TAOK3: variants seen among roughly 807,000 people sequenced by gnomAD.
TAOK3 encodes the protein serine/threonine-protein kinase TAO3.
Under a neutral mutation model 120.4 loss-of-function variants are expected in TAOK3, and 40 were observed. The ratio of observed to expected loss-of-function variants is 0.33; its 90% confidence interval spans 0.26 to 0.43. The LOEUF (loss-of-function observed/expected upper bound fraction) is 0.43, where lower values mean the gene tolerates loss of function less well. Among genes scored for constraint, TAOK3 ranks in the 20% least tolerant of loss-of-function variants. The probability of loss-of-function intolerance (pLI) is 1.00; values close to 1 mark genes in which losing one functional copy is unlikely to be tolerated. For missense variants in TAOK3, 821 were observed against 1,112.1 expected (o/e 0.74, Z 3.72); for synonymous variants, 355 against 387.5 (o/e 0.92, Z 0.99).
intron 7 of TAOK3, 21 bp downstream of exon 7, chr12:118,238,052 A>T: frequency 6.7e-7 from 1 of 1,486,310 alleles, no homozygotes; most frequent in Non-Finnish European, 9.3e-7. Flanking sequence ...GAAAAGAAAC[A>T]TAACTGGTCT....
chr12:118,287,061 TC>T (rs2042292584), intron 1 of TAOK3, among the ~76,000 whole-genome samples: 1 of 152,090 alleles, frequency 6.6e-6, no homozygotes, highest in South Asian at 2.1e-4. Flanking sequence ...CTTTGGGGAC[TC>T]GGGGAAAGGA....
intron 2 of TAOK3, among the ~76,000 whole-genome samples, chr12:118,265,506 G>C (rs1187050312): frequency 6.7e-6 from 1 of 149,272 alleles, no homozygotes; most frequent in African/African-American, 2.5e-5. Context: ...ACAAAAAAAA[G>C]AGTAGTGTCC....
rs548349201 is a variant in TAOK3, at chr12:118,201,330, T to C, written c.953A>G (p.Asn318Ser). The change falls in exon 12 of 21, where the codon AAT (asparagine) becomes AGT (serine). Residue 318 changes from asparagine (N) to serine (S), a missense_variant. This residue lies in a region of TAOK3 where 467 missense variants were observed against 540.0 expected (regional missense o/e 0.86). Transcript: ENST00000392533. ...CTCCTGTGACTCATTCAAGGGTCCA[T>C]TCCGTGTCTCTTGGAAAAGTATTTT... ...MKKILFQETR[N>S]GPLNESQEDE... is the part of the protein sequence containing the mutation. 4 of 1,614,056 alleles carry C rather than the reference T, an allele frequency of 2.5e-6. No individual in the cohort carries two copies. In the South Asian group the frequency reaches 3.3e-5, roughly 13 times the overall value.
intron 19 of TAOK3, among the ~76,000 whole-genome samples, chr12:118,156,960 G>A (rs1190691627): frequency 2.6e-5 from 4 of 152,018 alleles, no homozygotes; most frequent in East Asian, 3.9e-4. Flanking sequence ...GGCTGGTCTC[G>A]AACTCCTGAC....
intron 3 of TAOK3, among the ~76,000 whole-genome samples, chr12:118,250,454 G>A (rs1006366519): frequency 1.3e-5 from 2 of 152,174 alleles, no homozygotes; most frequent in Admixed American, 1.3e-4. Flanking sequence ...GACCTACAGA[G>A]GCTAACAGAA....
intron 1 of TAOK3, among the ~76,000 whole-genome samples, chr12:118,288,915 C>CAAAAAA (rs34740967): frequency 1.1e-5 from 1 of 94,216 alleles, no homozygotes; most frequent in African/African-American, 4.1e-5. Flanking sequence ...GACTCTATCT[C>CAAAAAA]AAAAAAAAAA....
At chr12:118,214,206 A>G (rs775267734) in intron 9 of TAOK3, 96 bp from the exon 10 acceptor site, 46 of 892,968 alleles carry the variant, frequency 5.2e-5, no homozygotes, top group Non-Finnish European at 7.3e-5. Context: ...GGCTAAATCA[A>G]TAGCTCATTA....
intron 1 of TAOK3, among the ~76,000 whole-genome samples, chr12:118,286,777 A>T (rs939736597): frequency 5.3e-5 from 8 of 152,374 alleles, no homozygotes; most frequent in African/African-American, 1.9e-4. Context: ...ATGCATGTTT[A>T]TAGCAGCACA....
chr12:118,351,009 T>A (rs2045125037), intron 1 of TAOK3, among the ~76,000 whole-genome samples: 1 of 148,290 alleles, frequency 6.7e-6, no homozygotes, highest in Non-Finnish European at 1.5e-5. Context: ...TGAAACCCCA[T>A]CTCTACAAAA....
chr12:118,175,364 C>T (rs1593040004), intron 16 of TAOK3, among the ~76,000 whole-genome samples: 2 of 152,238 alleles, frequency 1.3e-5, no homozygotes, highest in South Asian at 4.1e-4. Context: ...TGGTGGCTCA[C>T]GCCTGTAATC....
At chr12:118,241,995 G>A (rs954122479) in intron 5 of TAOK3, among the ~76,000 whole-genome samples, 3 of 151,568 alleles carry the variant, frequency 2.0e-5, no homozygotes, top group African/African-American at 7.3e-5. Context: ...GCTGAGACAG[G>A]AGAATCACTT....
Position 118,322,192 on chromosome 12 carries a change from A to G in TAOK3, c.-194+50456T>C, listed in dbSNP as rs534886583. On this transcript the variant is annotated intron_variant, in intron 1 of 20. Transcript: ENST00000392533. Reference sequence around the variant, plus strand: ...TAGCTGGGTGTGGTGGCCCATGTCTATAATCCCAGCTACTCTGGAGGCTGA... The same window carrying G: ...TAGCTGGGTGTGGTGGCCCATGTCTGTAATCCCAGCTACTCTGGAGGCTGA... Among the ~76,000 whole-genome samples the G allele has an allele frequency of 9.2e-5, 14 of 151,426 alleles. No individual in the cohort carries two copies. The East Asian group carries it at 2.7e-3, about 29-fold the overall frequency.
chr12:118,355,292 T>C (rs1193694716), intron 1 of TAOK3, among the ~76,000 whole-genome samples: 3 of 152,178 alleles, frequency 2.0e-5, no homozygotes, highest in African/African-American at 4.8e-5. Flanking sequence ...GTCCTAACTT[T>C]ATCTGAGTGG....
chr12:118,253,718 C>T (rs2040854865), intron 3 of TAOK3, among the ~76,000 whole-genome samples: 2 of 145,146 alleles, frequency 1.4e-5, no homozygotes, highest in Non-Finnish European at 3.0e-5. Flanking sequence ...GCCTGGGCGA[C>T]AGAGCAAGAC....
intron 13 of TAOK3, among the ~76,000 whole-genome samples, chr12:118,196,297 A>C (rs2037726973): frequency 6.6e-6 from 1 of 152,118 alleles, no homozygotes; most frequent in African/African-American, 2.4e-5. Flanking sequence ...AGTTAAGTGC[A>C]AGTCATGCTC....
At position 118,258,801 on chromosome 12, in the gene TAOK3, T is replaced by C. The variant is rs2041103769; in HGVS notation, c.-88-3146A>G. On this transcript the variant is annotated intron_variant, in intron 2 of 20. Transcript: ENST00000392533. ...AAGAATCAATGGATTAAATCAAAGATATACCTTTTTGGAGACTATACGTAA... is the reference window on the plus strand; with the variant it reads ...AAGAATCAATGGATTAAATCAAAGACATACCTTTTTGGAGACTATACGTAA... 3.3e-5 allele frequency among the ~76,000 whole-genome samples: 5 copies of C among 152,006 alleles called. No homozygotes were observed. In the South Asian group the frequency reaches 1.0e-3, roughly 32 times the overall value.
chr12:118,293,587 T>G (rs1203817491), intron 1 of TAOK3, among the ~76,000 whole-genome samples: 1 of 149,856 alleles, frequency 6.7e-6, no homozygotes, highest in Non-Finnish European at 1.5e-5. Flanking sequence ...GGCAGGAGAA[T>G]CCCTTGAACC....
intron 1 of TAOK3, among the ~76,000 whole-genome samples, chr12:118,313,126 T>C (rs1021828205): frequency 3.9e-5 from 6 of 152,200 alleles, no homozygotes; most frequent in East Asian, 1.9e-4. Context: ...AAAAATCATA[T>C]ATAAAGAGAC....
In TAOK3 at chr12:118,306,818, A is replaced by G. The variant is rs41351145; in HGVS notation, c.-193-40059T>C. 8.7e-3 allele frequency among the ~76,000 whole-genome samples: 1,330 copies of G among 152,344 alleles called. 20 individuals are homozygous for G. The highest frequency in any genetic ancestry group is 0.031 in the African/African-American group (1,286 of 41,588). Reference sequence around the variant, plus strand: ...TTGCTCTCAGAGTTTGTTCTGCTTCATCAGTACATTCAAATAGAATGCTCC... The same window carrying G: ...TTGCTCTCAGAGTTTGTTCTGCTTCGTCAGTACATTCAAATAGAATGCTCC... On this transcript the variant is annotated intron_variant, in intron 1 of 20. Transcript: ENST00000392533.
Sources: allele counts gnomAD v4.1 joint callset (sites outside exome capture counted in the v4.1 genomes callset), GRCh38; gene constraint gnomAD v4.1.1; regional missense constraint gnomAD v4.1.1; transcripts MANE v1.5; gene names NCBI Gene and HGNC (gene_info 2026-07-23, HGNC 2026-07-21).